The following LRRC40 variants were observed in gnomAD, a reference collection of about 807,000 sequenced individuals.
LRRC40 encodes the protein leucine-rich repeat-containing protein 40.
LRRC40 carries 76 observed loss-of-function variants against 72.8 expected under a neutral mutation model. The observed-to-expected ratio is 1.04, with a 90% confidence interval of 0.87 to 1.26. The LOEUF (loss-of-function observed/expected upper bound fraction) is 1.26. LRRC40 is among the 50% of genes most tolerant of loss of function. LRRC40 has a pLI of 0.00. For missense variants in LRRC40, 684 were observed against 698.9 expected (o/e 0.98, Z 0.24); for synonymous variants, 243 against 254.2 (o/e 0.96, Z 0.42).
intron 6 of LRRC40, among the ~76,000 whole-genome samples, chr1:70,176,553 A>C (rs1386982586): frequency 2.0e-5 from 3 of 150,524 alleles, no homozygotes; most frequent in Non-Finnish European, 3.0e-5. Flanking sequence ...AAAAAAAAAA[A>C]CCAAAGTAGA....
chr1:70,171,694 ATGATGACAAATGTTGATGAGGG>A (rs1191208336), intron 9 of LRRC40, among the ~76,000 whole-genome samples: 1 of 152,122 alleles, frequency 6.6e-6, no homozygotes, highest in Non-Finnish European at 1.5e-5. Context: ...GTTGATGAGG[ATGATGACAAATGTTGATGAGGG>A]GAATCAGAAC....
chr1:70,149,586 G>A (rs1454511327), intron 13 of LRRC40, among the ~76,000 whole-genome samples: 2 of 152,162 alleles, frequency 1.3e-5, no homozygotes, highest in African/African-American at 4.8e-5. Flanking sequence ...TTACTTGCAA[G>A]GCAATTGTTA....
At chr1:70,174,193 T>C (rs1668054683) in intron 7 of LRRC40, among the ~76,000 whole-genome samples, 2 of 152,062 alleles carry the variant, frequency 1.3e-5, no homozygotes, top group African/African-American at 4.8e-5. Context: ...AAACCATTCA[T>C]ACATAAAAAT....
chr1:70,197,249 C>T (rs541826973), intron 1 of LRRC40, among the ~76,000 whole-genome samples: 288 of 14,462 alleles, frequency 0.02, 1 homozygote, highest in African/African-American at 0.076. Context: ...TACTGGGGGG[C>T]GGCGGGGGGG....
intron 4 of LRRC40, 60 bp from the exon 5 acceptor site, chr1:70,181,269 C>T (rs746098789): frequency 9.2e-6 from 10 of 1,088,272 alleles, no homozygotes; most frequent in Non-Finnish European, 1.3e-5. Context: ...ATAAATAATG[C>T]CCTAAAAAGG....
intron 3 of LRRC40, among the ~76,000 whole-genome samples, chr1:70,186,459 C>T (rs1668361005): frequency 6.6e-6 from 1 of 152,060 alleles, no homozygotes; most frequent in East Asian, 1.9e-4. Context: ...TTTATGTTTT[C>T]CACCAAATAA....
At chr1:70,172,953 T>C (rs951556710) in intron 9 of LRRC40, among the ~76,000 whole-genome samples, 1 of 152,082 alleles carries the variant, frequency 6.6e-6, no homozygotes, top group Admixed American at 6.6e-5. Context: ...AAATTGGGTA[T>C]ATGACATGTT....
intron 1 of LRRC40, among the ~76,000 whole-genome samples, chr1:70,201,198 G>C (rs1296589111): frequency 6.6e-6 from 1 of 152,016 alleles, no homozygotes; most frequent in Admixed American, 6.6e-5. Context: ...AATATATTTT[G>C]AATGTAAATC....
intron 2 of LRRC40, among the ~76,000 whole-genome samples, chr1:70,187,697 G>T (rs987582941): frequency 6.6e-6 from 1 of 151,984 alleles, no homozygotes; most frequent in African/African-American, 2.4e-5. Flanking sequence ...CAGGCGTAGT[G>T]GCGCACACCT....
chr1:70,157,342 A>G (rs1376416543), intron 10 of LRRC40, among the ~76,000 whole-genome samples: 1 of 152,204 alleles, frequency 6.6e-6, no homozygotes, highest in Non-Finnish European at 1.5e-5. Flanking sequence ...TAAAAATTTT[A>G]GTTGAAAGCA....
rs143697971 is a variant in LRRC40, at chr1:70,204,378, T to C, written c.151+1012A>G. ...ATAGTGATAAATGCTGTTAAAAAAT[T>C]AAACAGGTAAGAGAACAGAATGTTA... is the stretch of plus-strand genomic sequence containing the variant. On this transcript the variant is annotated intron_variant, in intron 1 of 14. Coordinates refer to ENST00000370952, the MANE Select transcript of LRRC40 (RefSeq NM_017768.5). Among the ~76,000 whole-genome samples, 76 of 152,250 alleles carry C rather than the reference T, an allele frequency of 5.0e-4. No individual in the cohort carries two copies. The East Asian group carries it at 0.013, about 27-fold the overall frequency.
intron 1 of LRRC40, among the ~76,000 whole-genome samples, chr1:70,196,321 A>C (rs574892565): frequency 6.6e-6 from 1 of 152,276 alleles, no homozygotes; most frequent in South Asian, 2.1e-4. Flanking sequence ...AGACCATAGC[A>C]GGAGGATCAT....
At chr1:70,183,856 A>C (rs1175832986) in intron 4 of LRRC40, among the ~76,000 whole-genome samples, 1 of 152,144 alleles carries the variant, frequency 6.6e-6, no homozygotes, top group Non-Finnish European at 1.5e-5. Flanking sequence ...ACCTAGCTCC[A>C]AATTTCCTTT....
At chr1:70,198,895 A>T (rs1668673280) in intron 1 of LRRC40, among the ~76,000 whole-genome samples, 1 of 152,178 alleles carries the variant, frequency 6.6e-6, no homozygotes, top group Non-Finnish European at 1.5e-5. Flanking sequence ...TCATGCCTGT[A>T]ATCCCAGCAC....
intron 9 of LRRC40, among the ~76,000 whole-genome samples, chr1:70,166,823 T>C (rs1361743665): frequency 6.6e-6 from 1 of 152,100 alleles, no homozygotes; most frequent in African/African-American, 2.4e-5. Flanking sequence ...GGCCATTCCT[T>C]ACATGCATTT....
At chr1:70,198,585 TGTACA>T (rs1668665828) in intron 1 of LRRC40, among the ~76,000 whole-genome samples, 1 of 152,228 alleles carries the variant, frequency 6.6e-6, no homozygotes, top group Admixed American at 6.5e-5. Context: ...GTCACTTACA[TGTACA>T]GTATTTTTCT....
intron 10 of LRRC40, 31 bp from the exon 11 acceptor site, chr1:70,155,827 C>A (rs765531614): frequency 1.0e-6 from 1 of 993,872 alleles, no homozygotes; most frequent in Non-Finnish European, 1.5e-6. Context: ...AAAAACGAAC[C>A]ATTCTTAGCA....
chr1:70,182,356 G>A (rs999996093), intron 4 of LRRC40, among the ~76,000 whole-genome samples: 6 of 151,902 alleles, frequency 3.9e-5, no homozygotes, highest in East Asian at 1.9e-4. Context: ...TCTAAATAAC[G>A]TCTGCAGTTT....
chr1:70,169,775 G>C (rs963843048), intron 9 of LRRC40, among the ~76,000 whole-genome samples: 8 of 151,958 alleles, frequency 5.3e-5, no homozygotes, highest in African/African-American at 1.9e-4. Context: ...AACACGTGAA[G>C]AGTAATAAAA....
Sources: gnomAD v4.1 joint callset for allele counts (sites outside exome capture counted in the v4.1 genomes callset) on GRCh38, gnomAD v4.1.1 for gene constraint, MANE v1.5 for transcripts, NCBI Gene and HGNC (gene_info 2026-07-23, HGNC 2026-07-21) for gene names.